Variants in GBP1 observed in about 807,000 individuals in gnomAD.
GBP1 encodes the protein guanylate binding protein 1, also known as guanylate-binding protein 1.
In GBP1, 64 loss-of-function variants were observed where a neutral mutation model predicts 69.5. That is an observed-to-expected ratio of 0.92 (90% CI 0.75 to 1.13). The LOEUF (loss-of-function observed/expected upper bound fraction) is 1.13. GBP1 is among the 50% of genes most tolerant of loss of function. The pLI, the probability that GBP1 is intolerant of heterozygous loss-of-function variation, is 0.00. For missense variants in GBP1, 630 were observed against 704.1 expected (o/e 0.89, Z 1.19); for synonymous variants, 250 against 261.2 (o/e 0.96, Z 0.41).
At position 89,058,897 on chromosome 1, in the gene GBP1, T is replaced by C; in HGVS notation, c.575A>G (p.Asp192Gly). The change falls in exon 5 of 11, where the codon GAT becomes GGT. Residue 192 changes from aspartate to glycine, a missense_variant. Asp to Gly is a moderately conservative substitution (Grantham distance 94). Coordinates refer to ENST00000370473, the MANE Select transcript of GBP1 (RefSeq NM_002053.3). ...CTCATCTGGTGTGAGGGGTTGTCCA[T>C]CTGCTTCCAAGTCCAGGGAGAAATC... ...LRDFSLDLEA[D>G]GQPLTPDEYL... 1 of 1,614,204 alleles carries C rather than the reference T, an allele frequency of 6.2e-7. No homozygotes were observed. Among genetic ancestry groups the C allele is most frequent in the Non-Finnish European group, 8.5e-7 (1 of 1,180,030 alleles).
Position 89,056,214 on chromosome 1 carries a change from T to C in GBP1, c.1170A>G (p.Lys390=). The change falls in exon 8 of 11, where the codon AAA becomes AAG. Residue 390 remains lysine, a synonymous_variant. Transcript: ENST00000370473. ...TCTGTTTACAAAAGTCATCCCGCTT[T>C]TTTTCTAGCTGGGCCTTTAATGTAA... is the stretch of plus-strand genomic sequence containing the variant. The part of the protein sequence containing the change: ...FQKELAAQLE[K]KRDDFCKQNQ... The C allele has an allele frequency of 3.7e-6, 6 of 1,613,950 alleles. No homozygotes were observed. Among genetic ancestry groups the C allele is most frequent in the Non-Finnish European group, 5.1e-6 (6 of 1,179,852 alleles).
chr1:89,055,591 A>C (rs1680022905), intron 8 of GBP1: 1 of 345,836 alleles, frequency 2.9e-6, no homozygotes, highest in South Asian at 3.0e-5. Context: ...GGGAGGGAGA[A>C]AACTGTGGGG....
chr1:89,053,517 T>TG, intron 10 of GBP1, 49 bp from the exon 11 acceptor site: 1 of 1,582,634 alleles, frequency 6.3e-7, no homozygotes, highest in South Asian at 1.2e-5. Flanking sequence ...TCAGGCAAAT[T>TG]GAAACATTCT....
Position 89,063,143 on chromosome 1 carries a change from A to C in GBP1, c.92T>G (p.Leu31Arg). 6.2e-7 allele frequency: 1 copy of C among 1,614,126 alleles called. No homozygotes were observed. Among genetic ancestry groups the C allele is most frequent in the Non-Finnish European group, 8.5e-7 (1 of 1,179,984 alleles). The change falls in exon 2 of 11, where the codon CTT becomes CGT. Residue 31 changes from leucine to arginine, a missense_variant. This residue lies in a region of GBP1 where 131 missense variants were observed against 138.5 expected (regional missense o/e 0.95). Coordinates refer to ENST00000370473, the MANE Select transcript of GBP1 (RefSeq NM_002053.3). ...CACCATAGGCTGTGTAATGGCAGAA[A>C]GGATCTTCAGAGCTTCTGGATTCGC... The part of the protein sequence containing the change: ...LMANPEALKI[L>R]SAITQPMVVV...
chr1:89,059,135 C>G, intron 4 of GBP1, 92 bp from the exon 5 acceptor site: 3 of 1,592,060 alleles, frequency 1.9e-6, no homozygotes, highest in Non-Finnish European at 2.6e-6. Flanking sequence ...TTTTCCTTTG[C>G]TCCTAACCTA....
At position 89,063,176 on chromosome 1, in the gene GBP1, C is replaced by G; in HGVS notation, c.59G>C (p.Arg20Pro). 6.2e-7 allele frequency: 1 copy of G among 1,614,092 alleles called. No individual in the cohort carries two copies. The highest frequency in any genetic ancestry group is 8.5e-7 in the Non-Finnish European group (1 of 1,179,974). The change falls in exon 2 of 11, where the codon CGA becomes CCA. Residue 20 changes from arginine to proline, a missense_variant. Coordinates refer to ENST00000370473, the MANE Select transcript of GBP1 (RefSeq NM_002053.3). The stretch of plus-strand genomic sequence containing the variant: ...CAGAGCTTCTGGATTCGCCATCAGT[C>G]GCCCATTAGTGTTCTCAATGAGGCA... ...PMCLIENTNG[R>P]LMANPEALKI...
At chr1:89,060,491 A>C (rs746258420) in intron 2 of GBP1, among the ~76,000 whole-genome samples, 167 bp from the exon 3 acceptor site, 6 of 152,264 alleles carry the variant, frequency 3.9e-5, no homozygotes, top group South Asian at 2.1e-4. Flanking sequence ...TATCCAATGC[A>C]TGGAAACATT....
At position 89,063,034 on chromosome 1, in the gene GBP1, A is replaced by G. The variant is rs747644353; in HGVS notation, c.190+11T>C. 2 of 1,613,872 alleles carry G rather than the reference A, an allele frequency of 1.2e-6. No individual in the cohort carries two copies. The highest frequency in any genetic ancestry group is 1.7e-5 in the Admixed American group (1 of 60,008). The stretch of plus-strand genomic sequence containing the variant: ...GAAGGGACTTGGCAGAGCTTTGCTC[A>G]TGCCACTCACCCTTTTTCTTTCCAG... On this transcript the variant is annotated intron_variant, in intron 2 of 10. Coordinates refer to ENST00000370473, the MANE Select transcript of GBP1 (RefSeq NM_002053.3).
At chr1:89,064,240 T>TGTGTGAGAGAGAGAGA (rs1243424526) in intron 1 of GBP1, among the ~76,000 whole-genome samples, 3 of 100,010 alleles carry the variant, frequency 3.0e-5, no homozygotes, top group African/African-American at 1.2e-4. Flanking sequence ...TGTGTGTGTG[T>TGTGTGAGAGAGAGAGA]GAGAGAGAGA....
Position 89,055,198 on chromosome 1 carries a change from C to G in GBP1, c.1386G>C (p.Gln462His). 1.2e-6 allele frequency: 2 copies of G among 1,613,212 alleles called. No individual in the cohort carries two copies. Among genetic ancestry groups the G allele is most frequent in the African/African-American group, 1.3e-5 (1 of 74,948 alleles). ...RKGIQAEEIL[Q>H]TYLKSKESMT... ...TAGACTCCTTGGATTTCAAGTATGTCTGCAGAATCTCTTCAGCCTTAGGAC... is the reference window on the plus strand; with the variant it reads ...TAGACTCCTTGGATTTCAAGTATGTGTGCAGAATCTCTTCAGCCTTAGGAC... The change falls in exon 9 of 11, where the codon CAG (glutamine) becomes CAC (histidine). Residue 462 changes from glutamine (Q) to histidine (H), a missense_variant. Physicochemically the swap from Gln to His is conservative, Grantham distance 24. This residue lies in a region of GBP1 where 367 missense variants were observed against 369.5 expected (regional missense o/e 0.99). Coordinates refer to ENST00000370473, the MANE Select transcript of GBP1 (RefSeq NM_002053.3).
At position 89,063,185 on chromosome 1, in the gene GBP1, G is replaced by T. The variant is rs1372519387; in HGVS notation, c.50C>A (p.Thr17Asn). The change falls in exon 2 of 11, where the codon ACT becomes AAT. Residue 17 changes from threonine (T) to asparagine (N), a missense_variant. Transcript: ENST00000370473. ...TGGATTCGCCATCAGTCGCCCATTA[G>T]TGTTCTCAATGAGGCACATTGGGCC... Reference protein sequence around the residue: ...MTGPMCLIENTNGRLMANPEA... With the variant: ...MTGPMCLIENNNGRLMANPEA... The T allele has an allele frequency of 1.2e-6, 2 of 1,614,112 alleles. No individual in the cohort carries two copies. The highest frequency in any genetic ancestry group is 1.7e-6 in the Non-Finnish European group (2 of 1,179,976).
chr1:89,056,906 A>T lies in GBP1; in HGVS notation c.1103T>A (p.Phe368Tyr). ...RDSEREAIEV[F>Y]IRSSFKDVDH... is the part of the protein sequence containing the mutation. ...CACATCTTTGAAGGAACTCCTGATG[A>T]AGACTTCAATGGCCTCTCTCTCACT... The change falls in exon 7 of 11, where the codon TTC becomes TAC. Residue 368 changes from phenylalanine to tyrosine, a missense_variant. Physicochemically the swap from Phe to Tyr is conservative, Grantham distance 22 (BLOSUM62 3). Transcript: ENST00000370473. The T allele has an allele frequency of 6.2e-7, 1 of 1,614,242 alleles. No homozygotes were observed. The highest frequency in any genetic ancestry group is 8.5e-7 in the Non-Finnish European group (1 of 1,180,044).
At chr1:89,060,643 G>A (rs1680156102) in intron 2 of GBP1, among the ~76,000 whole-genome samples, 1 of 152,194 alleles carries the variant, frequency 6.6e-6, no homozygotes, top group African/African-American at 2.4e-5. Context: ...ATAACATCAT[G>A]AACAAGAAAA....
intron 7 of GBP1, 113 bp downstream of exon 7, chr1:89,056,741 C>G: frequency 1.6e-6 from 2 of 1,228,710 alleles, no homozygotes; most frequent in Non-Finnish European, 2.3e-6. Context: ...GTTGTTTTCA[C>G]CATTATGGAA....
At chr1:89,058,799 G>A in intron 5 of GBP1, 42 bp downstream of exon 5, 1 of 1,591,236 alleles carries the variant, frequency 6.3e-7, no homozygotes, top group South Asian at 1.1e-5. Context: ...ATAATTTCTT[G>A]TGTTTTCTCA....
chr1:89,062,959 T>C, intron 2 of GBP1, 86 bp downstream of exon 2: 1 of 1,520,882 alleles, frequency 6.6e-7, no homozygotes, highest in Middle Eastern at 1.7e-4. Context: ...CATCCTCATC[T>C]CTTTCTCTCC....
intron 7 of GBP1, 34 bp downstream of exon 7, chr1:89,056,820 A>G: frequency 1.2e-6 from 2 of 1,602,258 alleles, no homozygotes; most frequent in Non-Finnish European, 1.7e-6. Flanking sequence ...AGCTTCTATG[A>G]CCCTAAACCG....
intron 5 of GBP1, 31 bp downstream of exon 5, chr1:89,058,810 T>A: frequency 6.2e-7 from 1 of 1,606,168 alleles, no homozygotes; most frequent in Non-Finnish European, 8.5e-7. Context: ...TGTTTTCTCA[T>A]CCTCATTTAT....
chr1:89,055,994 T>A (rs748553393), intron 8 of GBP1, 22 bp downstream of exon 8: 1 of 1,613,798 alleles, frequency 6.2e-7, no homozygotes, highest in Non-Finnish European at 8.5e-7. Context: ...CTTTCCATAA[T>A]TGACAGATAA....
Sources: gnomAD v4.1 joint callset for allele counts (sites outside exome capture counted in the v4.1 genomes callset) on GRCh38, gnomAD v4.1.1 for gene constraint, gnomAD v4.1.1 regional missense constraint, MANE v1.5 for transcripts, NCBI Gene and HGNC (gene_info 2026-07-23, HGNC 2026-07-21) for gene names.